TNIK: variants seen among roughly 807,000 people sequenced by gnomAD.
TNIK encodes the protein TRAF2 and NCK-interacting protein kinase.
Under a neutral mutation model 191.3 loss-of-function variants are expected in TNIK, and 49 were observed. The observed-to-expected ratio is 0.26, with a 90% CI of 0.20 to 0.32. The LOEUF (loss-of-function observed/expected upper bound fraction) is 0.32, where lower values mean the gene tolerates loss of function less well. TNIK is among the 10% of genes least tolerant of loss of function. TNIK has a pLI of 1.00. For synonymous variants in TNIK, 594 were observed against 600.9 expected, an observed-to-expected ratio of 0.99 and a Z score of 0.17; for missense variants, 1,155 against 1,702.3, an observed-to-expected ratio of 0.68 and a Z score of 5.66.
chr3:171,256,218 T>C (rs1247318999), intron 2 of TNIK, among the ~76,000 whole-genome samples: 5 of 152,174 alleles, frequency 3.3e-5, no homozygotes, highest in African/African-American at 4.8e-5. Flanking sequence ...TACTTCACTA[T>C]GCATGGGAAC....
At chr3:171,421,099 T>C (rs1006032670) in intron 1 of TNIK, among the ~76,000 whole-genome samples, 1 of 152,172 alleles carries the variant, frequency 6.6e-6, no homozygotes, top group African/African-American at 2.4e-5. Context: ...ATCACTAAGA[T>C]ATGAAAGACC....
At chr3:171,250,522 C>T (rs2109079961) in intron 2 of TNIK, among the ~76,000 whole-genome samples, 1 of 152,330 alleles carries the variant, frequency 6.6e-6, no homozygotes, top group African/African-American at 2.4e-5. Context: ...TTCATGTCCA[C>T]TGATATTAAC....
chr3:171,231,478 T>G (rs905224478), intron 2 of TNIK, among the ~76,000 whole-genome samples: 1 of 152,176 alleles, frequency 6.6e-6, no homozygotes, highest in African/African-American at 2.4e-5. Context: ...GATGGCAGTT[T>G]GGGCTTACAT....
intron 1 of TNIK, among the ~76,000 whole-genome samples, chr3:171,450,836 A>G (rs1728086050): frequency 1.3e-5 from 2 of 152,366 alleles, no homozygotes; most frequent in South Asian, 4.1e-4. Context: ...CACAGTTCAA[A>G]GCACCAGGAA....
At chr3:171,066,537 G>T in intron 31 of TNIK, 39 bp downstream of exon 31, 3 of 1,612,492 alleles carry the variant, frequency 1.9e-6, no homozygotes, top group Non-Finnish European at 2.5e-6. Context: ...TCATTTGGGG[G>T]GTGTAACTGC....
intron 2 of TNIK, among the ~76,000 whole-genome samples, chr3:171,247,410 A>T (rs73043087): frequency 1.3e-5 from 2 of 152,374 alleles, no homozygotes; most frequent in South Asian, 4.1e-4. Context: ...GAAGTCCTCC[A>T]GGAAGATAAC....
intron 2 of TNIK, among the ~76,000 whole-genome samples, chr3:171,245,569 A>T (rs867825555): frequency 4.0e-5 from 6 of 151,496 alleles, no homozygotes; most frequent in African/African-American, 4.8e-5. Flanking sequence ...TTAACAATAA[A>T]AAAAAAAAAA....
chr3:171,186,004 A>T (rs1171101729), intron 7 of TNIK, among the ~76,000 whole-genome samples: 1 of 152,212 alleles, frequency 6.6e-6, no homozygotes, highest in Non-Finnish European at 1.5e-5. Flanking sequence ...CACTGGGCCA[A>T]GTGGACCACC....
At chr3:171,333,631 C>T (rs78894668) in intron 2 of TNIK, among the ~76,000 whole-genome samples, 2,478 of 150,454 alleles carry the variant, frequency 0.016, 62 homozygotes, top group East Asian at 0.061. Context: ...CCCATTCCCA[C>T]GGCAATAATT....
chr3:171,094,065 A>G, intron 22 of TNIK, 97 bp from the exon 23 acceptor site: 3 of 1,401,400 alleles, frequency 2.1e-6, no homozygotes. Flanking sequence ...AAATATACAT[A>G]TTAATAACAT....
At chr3:171,282,068 A>G (rs983236275) in intron 2 of TNIK, among the ~76,000 whole-genome samples, 1 of 152,224 alleles carries the variant, frequency 6.6e-6, no homozygotes. Flanking sequence ...ACTTGAGGTT[A>G]ATCTAGAGAA....
intron 2 of TNIK, among the ~76,000 whole-genome samples, chr3:171,268,814 A>C (rs1193697226): frequency 6.6e-6 from 1 of 152,178 alleles, no homozygotes; most frequent in African/African-American, 2.4e-5. Flanking sequence ...TGGAAGAGGG[A>C]CAAAATAGAC....
chr3:171,285,419 T>C (rs1750903677), intron 2 of TNIK, among the ~76,000 whole-genome samples: 1 of 152,124 alleles, frequency 6.6e-6, no homozygotes, highest in African/African-American at 2.4e-5. Flanking sequence ...AAAGTAAAAG[T>C]GTAGAGGTGG....
chr3:171,274,499 AG>A (rs1436805671), intron 2 of TNIK, among the ~76,000 whole-genome samples: 4 of 152,182 alleles, frequency 2.6e-5, no homozygotes, highest in Non-Finnish European at 4.4e-5. Context: ...ACAAGCCAGG[AG>A]GGGGAAGTTA....
intron 15 of TNIK, among the ~76,000 whole-genome samples, chr3:171,129,670 C>G (rs908158444): frequency 5.3e-5 from 8 of 152,188 alleles, no homozygotes; most frequent in African/African-American, 1.7e-4. Context: ...CCTTGTCATT[C>G]CCTTTCTTCC....
Position 171,140,037 on chromosome 3 carries a change from AC to A in TNIK, c.1332+361del, listed in dbSNP as rs1240511446. Among the ~76,000 whole-genome samples the A allele has an allele frequency of 2.0e-5, 3 of 152,182 alleles. No individual in the cohort carries two copies. The East Asian group carries it at 5.8e-4, about 29-fold the overall frequency. On this transcript the variant is annotated intron_variant, in intron 13 of 32. Transcript: ENST00000436636. ...AAAGAGAGATGGGCCTGCATCAATG[AC>A]TCAAAGTCATAAAGACCAGAGATGG... is the stretch of plus-strand genomic sequence containing the variant.
At position 171,282,334 on chromosome 3, in the gene TNIK, G is replaced by GTTTTTTTTTTTTTTTTTTTTTT. The variant is rs201489240; in HGVS notation, c.124-54114_124-54113insAAAAAAAAAAAAAAAAAAAAAA. Among the ~76,000 whole-genome samples the GTTTTTTTTTTTTTTTTTTTTTT allele has an allele frequency of 2.8e-3, 317 of 114,426 alleles. 39 individuals carry two copies. Among genetic ancestry groups the GTTTTTTTTTTTTTTTTTTTTTT allele is most frequent in the Non-Finnish European group, 3.9e-3 (216 of 56,016 alleles). 75.1% of individuals were successfully genotyped at this position (114,426 alleles called of 152,430 possible). ...GAACTATCTGCAGATTCTCTTAATG[G>GTTTTTTTTTTTTTTTTTTTTTT]TTTTTTGTTTTTTTTTTTTTTTTTG... On this transcript the variant is annotated intron_variant, in intron 2 of 32. Transcript: ENST00000436636.
chr3:171,324,743 TATC>T (rs1479902603), intron 2 of TNIK, among the ~76,000 whole-genome samples: 1 of 152,138 alleles, frequency 6.6e-6, no homozygotes, highest in African/African-American at 2.4e-5. Flanking sequence ...CATATCCAAA[TATC>T]ATCTAGCTCC....
At chr3:171,095,047 T>G (rs1458668061) in intron 22 of TNIK, among the ~76,000 whole-genome samples, 1 of 152,210 alleles carries the variant, frequency 6.6e-6, no homozygotes, top group Non-Finnish European at 1.5e-5. Context: ...GGGGCATCCA[T>G]AAACTAGGAG....
Sources: allele counts gnomAD v4.1 joint callset (sites outside exome capture counted in the v4.1 genomes callset), GRCh38; gene constraint gnomAD v4.1.1; transcripts MANE v1.5; gene names NCBI Gene and HGNC (gene_info 2026-07-23, HGNC 2026-07-21).